Variants in FOXRED1 observed in about 807,000 individuals in gnomAD.
The protein encoded by FOXRED1 is FAD-dependent oxidoreductase domain-containing protein 1.
FOXRED1 carries 52 observed loss-of-function variants against 57.8 expected under a neutral mutation model. The observed-to-expected ratio is 0.90, with a 90% CI of 0.72 to 1.13. FOXRED1 has a LOEUF of 1.13. FOXRED1 is among the 50% of genes most tolerant of loss of function. The pLI, the probability that FOXRED1 is intolerant of heterozygous loss-of-function variation, is 0.00. For missense variants in FOXRED1, 589 were observed against 625.2 expected, an observed-to-expected ratio of 0.94 and a Z score of 0.62; for synonymous variants, 271 against 248.3, an observed-to-expected ratio of 1.09 and a Z score of -0.86.
intron 1 of FOXRED1, among the ~76,000 whole-genome samples, chr11:126,269,751 T>G (rs1376153533): frequency 6.7e-6 from 1 of 149,312 alleles, no homozygotes; most frequent in Non-Finnish European, 1.5e-5. Context: ...CTTTGGGAGG[T>G]CGAGGCGGGT....
Position 126,273,718 on chromosome 11 carries a change from T to C in FOXRED1, c.536+264T>C. The C allele has an allele frequency of 4.1e-6, 2 of 485,330 alleles. No individual in the cohort carries two copies. The highest frequency in any genetic ancestry group is 4.3e-5 in the South Asian group (2 of 46,840). The allele number at this position is 485,330 out of a possible 1,614,324, so 30.1% of individuals were successfully genotyped here. The stretch of plus-strand genomic sequence containing the variant: ...ACATCCCAGACCTAATAAACCAGAA[T>C]CTCTAGGGAAGGAGCCCACAAATCT... On this transcript the variant is annotated intron_variant, in intron 4 of 10. Transcript: ENST00000263578. This position sits in a 1 kb window ranked among gnomAD's most constrained non-coding sequence, Gnocchi z 5.9.
In FOXRED1 at chr11:126,274,630, A is replaced by G; in HGVS notation, c.537-297A>G. ...GCCACTGCACTCCAGCCTGGGTGAC[A>G]GAGCCAGACTCATTGAAAAAAAAAA... On this transcript the variant is annotated intron_variant, in intron 4 of 10. Transcript: ENST00000263578. The surrounding 1 kb of genome is among the most constrained non-coding windows in gnomAD (Gnocchi z 4.8). The G allele has an allele frequency of 2.7e-6, 1 of 377,182 alleles. No individual in the cohort carries two copies. The highest frequency in any genetic ancestry group is 5.1e-6 in the Non-Finnish European group (1 of 196,394). The allele number at this position is 377,182 out of a possible 1,614,324, so 23.4% of individuals were successfully genotyped here. A position where few individuals can be genotyped will look rare whatever the true frequency, so the allele number is the denominator to read the frequency against.
rs1951085651 is a variant in FOXRED1, at chr11:126,274,836, A to G, written c.537-91A>G. ...CAGAGAAGTGACATGACTGAGCTGG[A>G]CTCCCCACTTGTGGAGTTGGGGTCC... On this transcript the variant is annotated intron_variant, in intron 4 of 10. Coordinates refer to ENST00000263578, the MANE Select transcript of FOXRED1 (RefSeq NM_017547.4). This position sits in a 1 kb window ranked among gnomAD's most constrained non-coding sequence, Gnocchi z 4.8. 1.2e-6 allele frequency: 1 copy of G among 816,742 alleles called. No individual in the cohort carries two copies. Among genetic ancestry groups the G allele is most frequent in the East Asian group, 2.4e-5 (1 of 41,234 alleles). The allele number at this position is 816,742 out of a possible 1,614,324, so 50.6% of individuals were successfully genotyped here.
chr11:126,270,027 C>T (rs141323765), intron 1 of FOXRED1, among the ~76,000 whole-genome samples: 2 of 146,186 alleles, frequency 1.4e-5, no homozygotes, highest in African/African-American at 2.5e-5. Flanking sequence ...TAGAACTCAA[C>T]TTAATGCTTT....
chr11:126,273,733 C>G lies in FOXRED1; in HGVS notation c.536+279C>G, dbSNP rs1951055194. On this transcript the variant is annotated intron_variant, in intron 4 of 10. Coordinates refer to ENST00000263578, the MANE Select transcript of FOXRED1 (RefSeq NM_017547.4). This position sits in a 1 kb window ranked among gnomAD's most constrained non-coding sequence, Gnocchi z 5.9. ...TAAACCAGAATCTCTAGGGAAGGAG[C>G]CCACAAATCTGGGTTTTTAACAAGA... 5 of 458,606 alleles carry G rather than the reference C, an allele frequency of 1.1e-5. No homozygotes were observed. Among genetic ancestry groups the G allele is most frequent in the Admixed American group, 3.4e-5 (1 of 29,506 alleles). The allele number at this position is 458,606 out of a possible 1,614,324, so 28.4% of individuals were successfully genotyped here.
rs1283101480 is a variant in FOXRED1 at position 126,273,239 on chromosome 11, G to T, written c.418-97G>T. On this transcript the variant is annotated intron_variant, in intron 3 of 10. Transcript: ENST00000263578. The surrounding 1 kb of genome is among the most constrained non-coding windows in gnomAD (Gnocchi z 5.9). The stretch of plus-strand genomic sequence containing the variant: ...TCCTAGTGGTGGTGCCGCAGGTCTG[G>T]GGCACTGAGCCTGGGGAGCTGTGGG... The T allele has an allele frequency of 1.9e-6, 2 of 1,037,836 alleles. No homozygotes were observed. The highest frequency in any genetic ancestry group is 3.1e-6 in the Non-Finnish European group (2 of 654,478). The allele number at this position is 1,037,836 out of a possible 1,614,324, so 64.3% of individuals were successfully genotyped here.
chr11:126,269,240 CG>C lies in FOXRED1; in HGVS notation c.38del (p.Gly13AlafsTer3), dbSNP rs1411660488. ...GAGGGTTCTGCCGCACGGCATGGGCCGGGGCCTCTTGACCCGGAGGCCAGGC... is the reference window on the plus strand; with the variant it reads ...GAGGGTTCTGCCGCACGGCATGGGCCGGGCCTCTTGACCCGGAGGCCAGGC... Reference protein sequence around the residue: ...IRRVLPHGMGRGLLTRRPGTR... With the variant: ...IRRVLPHGMGXGLLTRRPGTR... On this transcript the variant is annotated frameshift_variant, in exon 1 of 11. Transcript: ENST00000263578. LOFTEE classifies it high-confidence loss of function. The C allele has an allele frequency of 1.2e-6, 2 of 1,614,032 alleles. No homozygotes were observed. Among genetic ancestry groups the C allele is most frequent in the Non-Finnish European group, 1.7e-6 (2 of 1,179,904 alleles).
Position 126,273,784 on chromosome 11 carries a change from T to G in FOXRED1, c.536+330T>G, listed in dbSNP as rs1243078363. The G allele has an allele frequency of 5.3e-6, 2 of 375,886 alleles. No homozygotes were observed. Among genetic ancestry groups the G allele is most frequent in the East Asian group, 1.3e-4 (2 of 15,856 alleles). The allele number at this position is 375,886 out of a possible 1,614,324, so 23.3% of individuals were successfully genotyped here. ...ACCTTAAGTCAGGAGTTAGCAAACT[T>G]TTTCTGTAAAGGGCCAGATAGTATA... is the stretch of plus-strand genomic sequence containing the variant. On this transcript the variant is annotated intron_variant, in intron 4 of 10. Transcript: ENST00000263578. This position sits in a 1 kb window ranked among gnomAD's most constrained non-coding sequence, Gnocchi z 5.9.
intron 1 of FOXRED1, among the ~76,000 whole-genome samples, chr11:126,270,713 T>G (rs77108971): frequency 5.9e-4 from 90 of 152,356 alleles, no homozygotes; most frequent in African/African-American, 2.1e-3. Context: ...CTTTGGTTCT[T>G]AGAGTAATGG....
intron 1 of FOXRED1, chr11:126,269,503 C>T (rs1304819426): frequency 3.6e-6 from 3 of 822,618 alleles, no homozygotes; most frequent in Non-Finnish European, 6.1e-6. Context: ...TCACATCATT[C>T]TCCATTTAAG....
rs1252961985 is a variant in FOXRED1 at position 126,273,083 on chromosome 11, G to A, written c.417+4G>A. 2.7e-6 allele frequency: 4 copies of A among 1,465,280 alleles called. No homozygotes were observed. Among genetic ancestry groups the A allele is most frequent in the Non-Finnish European group, 3.8e-6 (4 of 1,044,138 alleles). 90.8% of individuals were successfully genotyped at this position (1,465,280 alleles called of 1,614,324 possible). ...CAGCTTTCTACGGAACATCAATGTA[G>A]GTGCAATGATATCCGGGATGTTGGG... is the stretch of plus-strand genomic sequence containing the variant. On this transcript the variant is annotated splice_donor_region_variant and intron_variant, in intron 3 of 10. Coordinates refer to ENST00000263578, the MANE Select transcript of FOXRED1 (RefSeq NM_017547.4). This position sits in a 1 kb window ranked among gnomAD's most constrained non-coding sequence, Gnocchi z 5.9.
At position 126,272,853 on chromosome 11, in the gene FOXRED1, C is replaced by T. The variant is rs1398644913; in HGVS notation, c.307-116C>T. 2.7e-6 allele frequency: 2 copies of T among 731,084 alleles called. No individual in the cohort carries two copies. The highest frequency in any genetic ancestry group is 3.4e-5 in the African/African-American group (2 of 58,146). 45.3% of individuals were successfully genotyped at this position (731,084 alleles called of 1,614,324 possible). A position where few individuals can be genotyped will look rare whatever the true frequency, so the allele number is the denominator to read the frequency against. The stretch of plus-strand genomic sequence containing the variant: ...TTACACATGGGTCTTAGATTATAGA[C>T]TTGCAAATAGGACTCCCCTTCAACT... On this transcript the variant is annotated intron_variant, in intron 2 of 10. Transcript: ENST00000263578. This position sits in a 1 kb window ranked among gnomAD's most constrained non-coding sequence, Gnocchi z 4.6.
chr11:126,275,843 G>A lies in FOXRED1; in HGVS notation c.783G>A (p.Val261=), dbSNP rs1951114421. 3.1e-6 allele frequency: 5 copies of A among 1,612,850 alleles called. 1 individual carries two copies. In the Middle Eastern group the frequency reaches 6.6e-4, roughly 213 times the overall value. ...TGTTGACCACAGATGACAAAGCGGT[G>A]GTCTTGAAAAGGATCCATGAAGTCC... ...QRMLTTDDKA[V]VLKRIHEVHV... is the part of the protein sequence containing the mutation. The change falls in exon 7 of 11, where the codon GTG becomes GTA. Residue 261 remains valine (V), a synonymous_variant. Coordinates refer to ENST00000263578, the MANE Select transcript of FOXRED1 (RefSeq NM_017547.4). The surrounding 1 kb of genome is among the most constrained non-coding windows in gnomAD (Gnocchi z 5.9).
In FOXRED1 at chr11:126,273,367, T is replaced by G. The variant is rs756631739; in HGVS notation, c.449T>G (p.Leu150Arg). Residue 150 changes from leucine (L) to arginine (R), a missense_variant, in exon 4 of 11, where the codon CTG (leucine) becomes CGG (arginine). Physicochemically the swap from Leu to Arg is moderately radical, Grantham distance 102. Transcript: ENST00000263578. The surrounding 1 kb of genome is among the most constrained non-coding windows in gnomAD (Gnocchi z 5.9). ...CTGGCCGTAGTCGATGCTCCTCCCC[T>G]GGACCTCCGGTTCAACCCCTCGGGC... ...EYLAVVDAPPLDLRFNPSGYL... is the reference protein window; with the variant it reads ...EYLAVVDAPPRDLRFNPSGYL... 2.1e-5 allele frequency: 34 copies of G among 1,613,872 alleles called. No homozygotes were observed. The highest frequency in any genetic ancestry group is 2.6e-5 in the Non-Finnish European group (31 of 1,179,880).
rs1040940495 is a variant in FOXRED1 at position 126,272,363 on chromosome 11, G to A, written c.307-606G>A. On this transcript the variant is annotated intron_variant, in intron 2 of 10. Coordinates refer to ENST00000263578, the MANE Select transcript of FOXRED1 (RefSeq NM_017547.4). This position sits in a 1 kb window ranked among gnomAD's most constrained non-coding sequence, Gnocchi z 4.6. ...GTCTCGCTCTGTTGCCCAGGCTGGA[G>A]TACGGTATAACCTCCACCTCCCAGG... 1 of 173,818 alleles carries A rather than the reference G, an allele frequency of 5.8e-6. No homozygotes were observed. The highest frequency in any genetic ancestry group is 2.4e-5 in the African/African-American group (1 of 41,652). The allele number at this position is 173,818 out of a possible 1,614,324, so 10.8% of individuals were successfully genotyped here. A position where few individuals can be genotyped will look rare whatever the true frequency, so the allele number is the denominator to read the frequency against.
chr11:126,272,967 A>G lies in FOXRED1; in HGVS notation c.307-2A>G, dbSNP rs1315463463. ...ACCTCAACTTTTCTTGTCTTTCCAC[A>G]GTATTCACAGGCCTCCACTGGGCTC... is the stretch of plus-strand genomic sequence containing the variant. On this transcript the variant is annotated splice_acceptor_variant, in intron 2 of 10. Coordinates refer to ENST00000263578, the MANE Select transcript of FOXRED1 (RefSeq NM_017547.4). LOFTEE classifies it high-confidence loss of function. The surrounding 1 kb of genome is among the most constrained non-coding windows in gnomAD (Gnocchi z 4.6). The G allele has an allele frequency of 2.0e-6, 3 of 1,478,628 alleles. No homozygotes were observed. The highest frequency in any genetic ancestry group is 1.9e-6 in the Non-Finnish European group (2 of 1,056,230). The allele number at this position is 1,478,628 out of a possible 1,614,324, so 91.6% of individuals were successfully genotyped here.
chr11:126,277,809 C>T lies in FOXRED1; in HGVS notation c.*120C>T. ...CTTCTCCCCCTCCCCAGTGTCCTCT[C>T]CTCTCAGGCAGGCCATTGCACCCAT... On this transcript the variant is annotated 3_prime_UTR_variant, in exon 11 of 11. Transcript: ENST00000263578. The surrounding 1 kb of genome is among the most constrained non-coding windows in gnomAD (Gnocchi z 6.8). 8.9e-7 allele frequency: 1 copy of T among 1,129,326 alleles called. No individual in the cohort carries two copies. The highest frequency in any genetic ancestry group is 1.3e-6 in the Non-Finnish European group (1 of 752,586). 70.0% of individuals were successfully genotyped at this position (1,129,326 alleles called of 1,614,324 possible).
chr11:126,270,940 G>C (rs1447231440), intron 1 of FOXRED1: 1 of 207,858 alleles, frequency 4.8e-6, no homozygotes, highest in African/African-American at 2.3e-5. Context: ...GGGACAGATT[G>C]AGGAGTTACT....
In FOXRED1 at chr11:126,271,232, T is replaced by C. The variant is rs531542642; in HGVS notation, c.86-205T>C. 1.4e-5 allele frequency: 7 copies of C among 502,126 alleles called. No homozygotes were observed. The highest frequency in any genetic ancestry group is 1.0e-4 in the East Asian group (3 of 29,524). The allele number at this position is 502,126 out of a possible 1,614,324, so 31.1% of individuals were successfully genotyped here. ...TTGAATCTTGCAGTGCTTGGCACAA[T>C]GCATGAAGAGACTGATGGCATGTGG... is the stretch of plus-strand genomic sequence containing the variant. On this transcript the variant is annotated intron_variant, in intron 1 of 10. Transcript: ENST00000263578. This position sits in a 1 kb window ranked among gnomAD's most constrained non-coding sequence, Gnocchi z 5.3.
Sources: gnomAD v4.1 joint callset for allele counts (sites outside exome capture counted in the v4.1 genomes callset) on GRCh38, gnomAD v4.1.1 for gene constraint, Gnocchi (gnomAD v3.1) non-coding constraint, MANE v1.5 for transcripts, NCBI Gene and HGNC (gene_info 2026-07-23, HGNC 2026-07-21) for gene names.